SLC4A7: variants seen among roughly 807,000 people sequenced by gnomAD.
The protein encoded by SLC4A7 is sodium bicarbonate cotransporter 3.
A neutral mutation model predicts 137.6 loss-of-function variants in SLC4A7; 51 were observed. The ratio of observed to expected loss-of-function variants is 0.37; its 90% confidence interval spans 0.30 to 0.47. SLC4A7 has a LOEUF of 0.47. Among genes scored for constraint, SLC4A7 ranks in the 20% least tolerant of loss-of-function variants. The pLI is 1.00. For missense variants in SLC4A7, 1,247 were observed against 1,525.4 expected (o/e 0.82, Z 3.04); for synonymous variants, 542 against 518.6 (o/e 1.05, Z -0.61).
chr3:27,403,068 A>T, intron 15 of SLC4A7, 71 bp downstream of exon 15: 1 of 1,487,266 alleles, frequency 6.7e-7, no homozygotes, highest in East Asian at 2.3e-5. Flanking sequence ...TGCAAAAAAA[A>T]TTCATTTTCT....
At chr3:27,424,875 C>T (rs1195490219) in intron 7 of SLC4A7, among the ~76,000 whole-genome samples, 1 of 152,090 alleles carries the variant, frequency 6.6e-6, no homozygotes, top group Non-Finnish European at 1.5e-5. Flanking sequence ...AAGAGTCAGA[C>T]AAACTCATAA....
Position 27,431,334 on chromosome 3 carries a change from C to T in SLC4A7, c.1114G>A (p.Glu372Lys), listed in dbSNP as rs145052230. Reference protein sequence around the residue: ...EDLEAALKGEEQKNEENVDLT... With the variant: ...EDLEAALKGEKQKNEENVDLT... Reference sequence around the variant, plus strand: ...TCAACATTTTCCTCATTCTTCTGCTCCTCGCCTTTCAGCGCTGCTTCTAAG... The same window carrying T: ...TCAACATTTTCCTCATTCTTCTGCTTCTCGCCTTTCAGCGCTGCTTCTAAG... Residue 372 changes from glutamate (E) to lysine (K), a missense_variant, in exon 7 of 26, where the codon GAG becomes AAG. By Grantham distance (56) the Glu-to-Lys change is moderately conservative. Transcript: ENST00000454389. 98 of 1,606,590 alleles carry T rather than the reference C, an allele frequency of 6.1e-5. 1 individual carries two copies. The highest frequency in any genetic ancestry group is 1.4e-4 in the Admixed American group (8 of 58,962).
intron 1 of SLC4A7, among the ~76,000 whole-genome samples, chr3:27,472,949 G>T (rs565151385): frequency 5.3e-5 from 8 of 152,178 alleles, no homozygotes; most frequent in Middle Eastern, 3.4e-3. Flanking sequence ...GCGTGGTAGC[G>T]CAAGCTAGTA....
In SLC4A7 at chr3:27,394,528, G is replaced by A. The variant is rs1052753260; in HGVS notation, c.3107C>T (p.Ser1036Leu). Residue 1036 changes from serine to leucine, a missense_variant, in exon 20 of 26, where the codon TCA becomes TTA. This residue lies in a region of SLC4A7 where 290 missense variants were observed against 323.8 expected (regional missense o/e 0.90). Transcript: ENST00000454389. ...ILMGLSVFMTSVLKFIPMPVL... is the reference protein window; with the variant it reads ...ILMGLSVFMTLVLKFIPMPVL... ...ATAAAGAAATTTTACCTTTAGGACTGAAGTCATGAACACAGAGAGGCCCAT... is the reference window on the plus strand; with the variant it reads ...ATAAAGAAATTTTACCTTTAGGACTAAAGTCATGAACACAGAGAGGCCCAT... The A allele has an allele frequency of 4.3e-6, 7 of 1,613,598 alleles. No individual in the cohort carries two copies. Among genetic ancestry groups the A allele is most frequent in the South Asian group, 1.1e-5 (1 of 91,012 alleles).
chr3:27,418,502 T>G lies in SLC4A7; in HGVS notation c.1643A>C (p.Lys548Thr), dbSNP rs749817178. ...WDPSIRIEPP[K>T]SVPSQEKRKI... is the part of the protein sequence containing the mutation. ...GATTCTTACCTGAGAAGGGACACTTTTTGGTGGTTCTATGCGTATAGAAGG... is the reference window on the plus strand; with the variant it reads ...GATTCTTACCTGAGAAGGGACACTTGTTGGTGGTTCTATGCGTATAGAAGG... Residue 548 changes from lysine (K) to threonine (T), a missense_variant, in exon 11 of 26, where the codon AAA (lysine) becomes ACA (threonine). Lys to Thr is a moderately conservative substitution (Grantham distance 78). This residue lies in a region of SLC4A7 where 499 missense variants were observed against 664.2 expected (regional missense o/e 0.75). Coordinates refer to ENST00000454389, the MANE Select transcript of SLC4A7 (RefSeq NM_001321103.2). 1 of 1,608,682 alleles carries G rather than the reference T, an allele frequency of 6.2e-7. No homozygotes were observed. Among genetic ancestry groups the G allele is most frequent in the Admixed American group, 1.7e-5 (1 of 59,298 alleles).
chr3:27,471,655 A>G (rs1004060118), intron 1 of SLC4A7, among the ~76,000 whole-genome samples: 4 of 152,192 alleles, frequency 2.6e-5, no homozygotes, highest in Non-Finnish European at 4.4e-5. Flanking sequence ...TACAGGCGTG[A>G]GCCACCGCGC....
chr3:27,391,062 A>G (rs2051502930), intron 21 of SLC4A7, among the ~76,000 whole-genome samples: 1 of 152,168 alleles, frequency 6.6e-6, no homozygotes. Context: ...GCCTCAGGTG[A>G]TACTCCTGCC....
rs767055523 is a variant in SLC4A7, at chr3:27,421,692, T to C, written c.1354A>G (p.Ile452Val). The change falls in exon 9 of 26, where the codon ATA becomes GTA. Residue 452 changes from isoleucine (I) to valine (V), a missense_variant. Coordinates refer to ENST00000454389, the MANE Select transcript of SLC4A7 (RefSeq NM_001321103.2). Reference sequence around the variant, plus strand: ...GGAGCCAGTCTCACAAATGCAATTATTGGCCTTTCCAAAAAGTCTACTTCG... The same window carrying C: ...GGAGCCAGTCTCACAAATGCAATTACTGGCCTTTCCAAAAAGTCTACTTCG... ...VGEVDFLERP[I>V]IAFVRLAPAV... The C allele has an allele frequency of 7.4e-6, 12 of 1,614,046 alleles. No individual in the cohort carries two copies. In the South Asian group the frequency reaches 1.3e-4, roughly 18 times the overall value.
intron 3 of SLC4A7, among the ~76,000 whole-genome samples, chr3:27,444,974 A>C (rs1017094732): frequency 2.5e-4 from 38 of 152,200 alleles, no homozygotes; most frequent in African/African-American, 8.7e-4. Context: ...GCCTTTAAGA[A>C]TCTTCAAAGC....
At chr3:27,436,638 G>GAAA in intron 4 of SLC4A7, 90 bp from the exon 5 acceptor site, 4 of 593,464 alleles carry the variant, frequency 6.7e-6, no homozygotes, top group South Asian at 4.8e-5. Flanking sequence ...GTTCTTTAAA[G>GAAA]AAAAAAAAAA....
chr3:27,436,314 G>A, intron 5 of SLC4A7, 74 bp downstream of exon 5: 1 of 1,126,010 alleles, frequency 8.9e-7, no homozygotes, highest in South Asian at 1.5e-5. Flanking sequence ...TAGAAGCTCA[G>A]CATATAGTTG....
At chr3:27,380,314 TAAAA>T (rs60223718) in intron 24 of SLC4A7, among the ~76,000 whole-genome samples, 51 of 136,322 alleles carry the variant, frequency 3.7e-4, no homozygotes, top group Admixed American at 7.4e-4. Context: ...CTCCAGAATT[TAAAA>T]AAAAAAAAAA....
intron 13 of SLC4A7, among the ~76,000 whole-genome samples, chr3:27,406,650 C>T (rs1036366858): frequency 2.0e-5 from 3 of 152,054 alleles, no homozygotes; most frequent in Non-Finnish European, 2.9e-5. Context: ...AAAAATGGGC[C>T]GGGCACCATG....
At chr3:27,429,806 G>A (rs566642339) in intron 7 of SLC4A7, among the ~76,000 whole-genome samples, 28 of 151,680 alleles carry the variant, frequency 1.8e-4, no homozygotes, top group Admixed American at 3.9e-4. Context: ...CCAAGATGGC[G>A]CCACTGCGCT....
intron 5 of SLC4A7, among the ~76,000 whole-genome samples, chr3:27,436,173 C>T (rs1310815096): frequency 6.6e-6 from 1 of 152,206 alleles, no homozygotes; most frequent in Non-Finnish European, 1.5e-5. Flanking sequence ...ACAGAACAGA[C>T]TCTGTATTCG....
At position 27,397,589 on chromosome 3, in the gene SLC4A7, T is replaced by C. The variant is rs1350344349; in HGVS notation, c.2703+95A>G. On this transcript the variant is annotated intron_variant, in intron 18 of 25. Transcript: ENST00000454389. ...GCATCAGCCCTTCAAAGAGACTACATACTTTTAAAACAATAACTACTGAGA... is the reference window on the plus strand; with the variant it reads ...GCATCAGCCCTTCAAAGAGACTACACACTTTTAAAACAATAACTACTGAGA... The C allele has an allele frequency of 8.8e-6, 6 of 683,312 alleles. No homozygotes were observed. In the Admixed American group the frequency reaches 1.4e-4, roughly 16 times the overall value. The allele number at this position is 683,312 out of a possible 1,614,324, so 42.3% of individuals were successfully genotyped here.
At position 27,458,700 on chromosome 3, in the gene SLC4A7, C is replaced by G. The variant is rs575438109; in HGVS notation, c.61-6202G>C. Among the ~76,000 whole-genome samples the G allele has an allele frequency of 2.0e-5, 3 of 152,236 alleles. No homozygotes were observed. In the South Asian group the frequency reaches 6.2e-4, roughly 32 times the overall value. On this transcript the variant is annotated intron_variant, in intron 1 of 25. Transcript: ENST00000454389. ...CATCTGCAAACAATCAGGTTAAAAA[C>G]CAATTTCTGGCTGGGCAAGGTGGCT...
chr3:27,379,292 A>C lies in SLC4A7; in HGVS notation c.3655T>G (p.Ser1219Ala), dbSNP rs764970063. Reference sequence around the variant, plus strand: ...ACTTTGGCATTCTCAGTATTCATGGAAAGTGCCTTCCACTGTGCAGTTTTG... The same window carrying C: ...ACTTTGGCATTCTCAGTATTCATGGCAAGTGCCTTCCACTGTGCAGTTTTG... ...MAKTAQWKAL[S>A]MNTENAKVTR... Residue 1219 changes from serine to alanine, a missense_variant, in exon 25 of 26, where the codon TCC (serine) becomes GCC (alanine). Physicochemically the swap from Ser to Ala is moderately conservative, Grantham distance 99. Coordinates refer to ENST00000454389, the MANE Select transcript of SLC4A7 (RefSeq NM_001321103.2). 46 of 1,535,596 alleles carry C rather than the reference A, an allele frequency of 3.0e-5. No individual in the cohort carries two copies. Among genetic ancestry groups the C allele is most frequent in the Non-Finnish European group, 4.0e-5 (46 of 1,146,402 alleles).
chr3:27,448,904 A>C (rs929544765), intron 2 of SLC4A7, 107 bp from the exon 3 acceptor site: 2 of 699,500 alleles, frequency 2.9e-6, no homozygotes, highest in Non-Finnish European at 2.2e-6. Context: ...AGTTCACGTA[A>C]TTAACAATGG....
Sources: allele counts gnomAD v4.1 joint callset (sites outside exome capture counted in the v4.1 genomes callset), GRCh38; gene constraint gnomAD v4.1.1; regional missense constraint gnomAD v4.1.1; transcripts MANE v1.5; gene names NCBI Gene and HGNC (gene_info 2026-07-23, HGNC 2026-07-21).